The following GSG1L variants were observed in gnomAD, a reference collection of about 807,000 sequenced individuals.
GSG1L encodes GSG1 like, also known as germ cell-specific gene 1-like protein.
A neutral mutation model predicts 42.1 loss-of-function variants in GSG1L; 24 were observed. That is an observed-to-expected ratio of 0.57 (90% confidence interval 0.41 to 0.80). The LOEUF is 0.80. Among genes scored for constraint, GSG1L ranks in the 30% least tolerant of loss-of-function variants. GSG1L has a pLI of 0.00. For synonymous variants in GSG1L, 215 were observed against 203.5 expected (o/e 1.06, Z -0.48); for missense variants, 445 against 472.2 (o/e 0.94, Z 0.53).
At chr16:27,942,147 C>A (rs1423686352) in intron 2 of GSG1L, among the ~76,000 whole-genome samples, 10 of 115,992 alleles carry the variant, frequency 8.6e-5, no homozygotes, top group Non-Finnish European at 1.7e-4. Flanking sequence ...AAAACTTCTT[C>A]TTTTTTTTTT....
intron 3 of GSG1L, among the ~76,000 whole-genome samples, chr16:27,866,097 A>G (rs2083720333): frequency 6.6e-6 from 1 of 151,552 alleles, no homozygotes; most frequent in African/African-American, 2.4e-5. Flanking sequence ...TTTTCTCTGT[A>G]TATCTCTCTG....
chr16:28,013,386 G>T (rs1371579832), intron 1 of GSG1L, among the ~76,000 whole-genome samples: 1 of 61,788 alleles, frequency 1.6e-5, no homozygotes, highest in Non-Finnish European at 4.2e-5. Context: ...AGGAGGAAGA[G>T]ATGGCATGTG....
At position 27,815,815 on chromosome 16, in the gene GSG1L, A is replaced by G. The variant is rs114434220; in HGVS notation, c.831-8261T>C. On this transcript the variant is annotated intron_variant, in intron 5 of 6. Transcript: ENST00000447459. Reference sequence around the variant, plus strand: ...GAGATCTAGTCTCTACCAAAAACAAAACAAAAAAAATTATCCAGGTGCTAA... The same window carrying G: ...GAGATCTAGTCTCTACCAAAAACAAGACAAAAAAAATTATCCAGGTGCTAA... Among the ~76,000 whole-genome samples the G allele has an allele frequency of 6.2e-3, 950 of 152,258 alleles. 12 individuals carry two copies. Among genetic ancestry groups the G allele is most frequent in the African/African-American group, 0.022 (916 of 41,542 alleles).
At chr16:28,033,683 G>A (rs1312819460) in intron 1 of GSG1L, among the ~76,000 whole-genome samples, 1 of 151,812 alleles carries the variant, frequency 6.6e-6, no homozygotes, top group Non-Finnish European at 1.5e-5. Flanking sequence ...AAACTGTAAG[G>A]AAACAAAAAA....
intron 2 of GSG1L, among the ~76,000 whole-genome samples, chr16:27,905,527 G>C (rs748871090): frequency 4.6e-5 from 7 of 151,956 alleles, no homozygotes; most frequent in Admixed American, 1.3e-4. Context: ...CTGTTGCCCA[G>C]GCTGCTCTTG....
chr16:27,925,810 GA>G, intron 2 of GSG1L, among the ~76,000 whole-genome samples: 1 of 152,320 alleles, frequency 6.6e-6, no homozygotes, highest in South Asian at 2.1e-4. Context: ...CCAAAGGAGA[GA>G]AAACAGAGGA....
At chr16:27,913,292 G>A (rs894501024) in intron 2 of GSG1L, among the ~76,000 whole-genome samples, 1 of 152,154 alleles carries the variant, frequency 6.6e-6, no homozygotes, top group East Asian at 1.9e-4. Context: ...CTGAACAAAT[G>A]CAAGGGAATG....
At chr16:27,900,115 G>C (rs146345992) in intron 2 of GSG1L, among the ~76,000 whole-genome samples, 1 of 152,284 alleles carries the variant, frequency 6.6e-6, no homozygotes, top group African/African-American at 2.4e-5. Flanking sequence ...AGCAGTGACT[G>C]CACAAACCCA....
intron 2 of GSG1L, among the ~76,000 whole-genome samples, chr16:27,888,418 TTCTTTCTTTCTTTC>T (rs1324529872): frequency 5.6e-5 from 1 of 17,892 alleles, no homozygotes; most frequent in Non-Finnish European, 2.0e-4. Context: ...CTTTCTTTCT[TTCTTTCTTTCTTTC>T]TTTCTTTCTT....
intron 2 of GSG1L, among the ~76,000 whole-genome samples, chr16:27,957,388 G>A (rs1405878556): frequency 6.6e-6 from 1 of 152,178 alleles, no homozygotes; most frequent in Non-Finnish European, 1.5e-5. Context: ...AGGCATTGCT[G>A]TTGATCTGCG....
At chr16:27,842,237 C>A (rs752082656) in intron 4 of GSG1L, among the ~76,000 whole-genome samples, 1 of 152,152 alleles carries the variant, frequency 6.6e-6, no homozygotes, top group Non-Finnish European at 1.5e-5. Context: ...ATATCAGTAG[C>A]AACAATATAA....
intron 3 of GSG1L, among the ~76,000 whole-genome samples, chr16:27,859,975 C>G (rs1450077629): frequency 6.6e-6 from 1 of 152,202 alleles, no homozygotes; most frequent in Non-Finnish European, 1.5e-5. Context: ...AGCTGCCACA[C>G]CCAGCCATCC....
At chr16:27,940,260 G>C (rs1272789649) in intron 2 of GSG1L, among the ~76,000 whole-genome samples, 1 of 151,766 alleles carries the variant, frequency 6.6e-6, no homozygotes, top group African/African-American at 2.4e-5. Context: ...TGGTGGGACT[G>C]TAAACCAGTT....
At chr16:27,889,150 AT>A (rs1025903719) in intron 2 of GSG1L, among the ~76,000 whole-genome samples, 2 of 151,766 alleles carry the variant, frequency 1.3e-5, no homozygotes, top group African/African-American at 2.4e-5. Flanking sequence ...TGCCCAGCTA[AT>A]TTTTTTATTT....
Position 28,063,642 on chromosome 16 carries a change from C to A in GSG1L, c.-218G>T, listed in dbSNP as rs1167116737. On this transcript the variant is annotated 5_prime_UTR_variant, in exon 1 of 7. Transcript: ENST00000447459. This position sits in a 1 kb window ranked among gnomAD's most constrained non-coding sequence, Gnocchi z 5.8. ...CGGGGCGGGCTGGCGGGGCGGGCGGCGGTGGAGGAGCGGCTACGGCGCGCC... is the reference window on the plus strand; with the variant it reads ...CGGGGCGGGCTGGCGGGGCGGGCGGAGGTGGAGGAGCGGCTACGGCGCGCC... 3.3e-5 allele frequency: 5 copies of A among 149,824 alleles called. No homozygotes were observed. Among genetic ancestry groups the A allele is most frequent in the African/African-American group, 9.8e-5 (4 of 40,646 alleles). 9.3% of individuals were successfully genotyped at this position (149,824 alleles called of 1,614,324 possible).
intron 2 of GSG1L, among the ~76,000 whole-genome samples, chr16:27,931,607 A>G (rs1053708959): frequency 3.9e-5 from 6 of 152,232 alleles, no homozygotes; most frequent in African/African-American, 1.4e-4. Flanking sequence ...GGGAACTTTA[A>G]GCAGTGCAAA....
chr16:27,850,212 G>A (rs1271063642), intron 3 of GSG1L, among the ~76,000 whole-genome samples: 1 of 151,512 alleles, frequency 6.6e-6, no homozygotes, highest in African/African-American at 2.4e-5. Flanking sequence ...ATTTTTAGTA[G>A]AGACAGGGGT....
chr16:27,891,698 C>T (rs1285067672), intron 2 of GSG1L, among the ~76,000 whole-genome samples: 2 of 151,922 alleles, frequency 1.3e-5, no homozygotes, highest in Non-Finnish European at 2.9e-5. Context: ...GTCTGAAACT[C>T]CTGGGCTCAA....
chr16:27,930,369 C>G (rs374057723), intron 2 of GSG1L, among the ~76,000 whole-genome samples: 5 of 152,206 alleles, frequency 3.3e-5, no homozygotes, highest in African/African-American at 1.2e-4. Context: ...GTTCTCTTCA[C>G]AATTGCAACC....
Sources: allele counts gnomAD v4.1 joint callset (sites outside exome capture counted in the v4.1 genomes callset), GRCh38; gene constraint gnomAD v4.1.1; non-coding constraint Gnocchi (gnomAD v3.1); transcripts MANE v1.5; gene names NCBI Gene and HGNC (gene_info 2026-07-23, HGNC 2026-07-21).